TG: variants seen among roughly 807,000 people sequenced by gnomAD.
The protein encoded by TG is thyroid hormones.
In TG, 270 loss-of-function variants were observed where a neutral mutation model predicts 324.7. The observed-to-expected ratio is 0.83, with a 90% CI of 0.75 to 0.92. TG has a LOEUF of 0.92. TG is among the 40% of genes least tolerant of loss of function. The pLI is 0.00. For synonymous variants in TG, 1,401 were observed against 1,327.0 expected (o/e 1.06, Z -1.21); for missense variants, 3,591 against 3,456.4 (o/e 1.04, Z -0.98).
At chr8:133,050,931 CAAGGGGG>C in intron 41 of TG, 1 of 1,543,862 alleles carries the variant, frequency 6.5e-7, no homozygotes, top group Non-Finnish European at 9.0e-7. Flanking sequence ...GAAACAAAGG[CAAGGGGG>C]AAGGGGGCAA....
intron 35 of TG, among the ~76,000 whole-genome samples, chr8:132,993,438 T>A (rs1204936672): frequency 2.6e-5 from 4 of 152,224 alleles, no homozygotes; most frequent in Non-Finnish European, 5.9e-5. Flanking sequence ...TAGAGATGAT[T>A]ATACCACTTC....
Position 132,882,590 on chromosome 8 carries a change from A to T in TG, c.867A>T (p.Ser289=). 1.2e-6 allele frequency: 2 copies of T among 1,614,266 alleles called. No homozygotes were observed. Among genetic ancestry groups the T allele is most frequent in the South Asian group, 1.1e-5 (1 of 91,086 alleles). ...AGAGACGGTTCCTCGCAGTTCAATCAGTCATCTCTGGCAGATTCCGATGTA... is the reference window on the plus strand; with the variant it reads ...AGAGACGGTTCCTCGCAGTTCAATCTGTCATCTCTGGCAGATTCCGATGTA... ...ILQRRFLAVQ[S]VISGRFRCPT... The change falls in exon 7 of 48, where the codon TCA becomes TCT. Residue 289 remains serine, a synonymous_variant. Transcript: ENST00000220616.
intron 23 of TG, among the ~76,000 whole-genome samples, chr8:132,932,516 A>C (rs1822867544): frequency 6.6e-6 from 1 of 152,212 alleles, no homozygotes; most frequent in African/African-American, 2.4e-5. Context: ...TACCTAATGC[A>C]AAAATCAGTA....
At chr8:132,901,097 G>A (rs140970999) in intron 15 of TG, among the ~76,000 whole-genome samples, 33 of 152,318 alleles carry the variant, frequency 2.2e-4, no homozygotes, top group Middle Eastern at 3.4e-3. Context: ...ACCTGCTCAC[G>A]TACTTGTTAA....
chr8:132,895,992 A>G (rs1817036443), intron 11 of TG, among the ~76,000 whole-genome samples: 1 of 152,244 alleles, frequency 6.6e-6, no homozygotes, highest in Non-Finnish European at 1.5e-5. Flanking sequence ...TTTCCCTGAG[A>G]GTCTGGGGAT....
chr8:133,074,805 C>G (rs1173907225), intron 41 of TG: 4 of 965,550 alleles, frequency 4.1e-6, no homozygotes, highest in African/African-American at 1.8e-5. Flanking sequence ...GTTGAAGAGG[C>G]CCTGAAGTCT....
At chr8:132,894,032 C>G (rs1816745533) in intron 11 of TG, 103 bp downstream of exon 11, 26 of 1,577,652 alleles carry the variant, frequency 1.6e-5, no homozygotes, top group Middle Eastern at 1.7e-4. Context: ...GGTTTGGCTT[C>G]CCCAGACTGA....
intron 45 of TG, among the ~76,000 whole-genome samples, chr8:133,118,437 G>T (rs181847196): frequency 6.9e-6 from 1 of 144,304 alleles, no homozygotes; most frequent in Non-Finnish European, 1.5e-5. Flanking sequence ...CAATTCTCCC[G>T]CCTCAGCCTC....
At chr8:133,125,503 G>A (rs1256391504) in intron 45 of TG, among the ~76,000 whole-genome samples, 2 of 152,228 alleles carry the variant, frequency 1.3e-5, no homozygotes, top group East Asian at 1.9e-4. Context: ...CAGGGAACTG[G>A]AGCATTACTA....
intron 35 of TG, chr8:133,002,102 T>G: frequency 1.0e-6 from 1 of 985,386 alleles, no homozygotes; most frequent in Non-Finnish European, 1.2e-6. Flanking sequence ...TTGGAGAGAG[T>G]GTCAGGCATT....
At chr8:132,912,993 T>A in intron 19 of TG, 54 bp from the exon 20 acceptor site, 2 of 1,556,172 alleles carry the variant, frequency 1.3e-6, no homozygotes, top group South Asian at 1.1e-5. Context: ...TAATCCTCCC[T>A]GGCCCTAGCA....
intron 41 of TG, among the ~76,000 whole-genome samples, chr8:133,068,886 G>A (rs534008123): frequency 5.2e-5 from 8 of 152,382 alleles, no homozygotes; most frequent in Admixed American, 5.2e-4. Flanking sequence ...GGCTCTGTTG[G>A]ACCAGAACAA....
intron 10 of TG, among the ~76,000 whole-genome samples, chr8:132,893,189 T>TGTG (rs1816527887): frequency 1.4e-5 from 2 of 140,250 alleles, no homozygotes; most frequent in East Asian, 2.2e-4. Flanking sequence ...GGTGTGTATG[T>TGTG]GAGTGTGTGT....
chr8:132,879,053 T>A (rs755538670), intron 5 of TG, among the ~76,000 whole-genome samples: 1 of 152,258 alleles, frequency 6.6e-6, no homozygotes, highest in Non-Finnish European at 1.5e-5. Flanking sequence ...TGTTCCCTGA[T>A]GACAGTGAAT....
rs761859296 is a variant in TG, at chr8:132,948,796, C to T, written c.5254C>T (p.Leu1752=). Residue 1752 remains leucine (L), a synonymous_variant, in exon 27 of 48, where the codon CTG becomes TTG. Transcript: ENST00000220616. ...CTCAGGTGCCATCATCTGTGGGTTG[C>T]TGAGCTCACCCAGTGTCCTGCTTTG... ...VQGGAIICGL[L]SSPSVLLCNV... The T allele has an allele frequency of 1.2e-6, 2 of 1,613,954 alleles. No individual in the cohort carries two copies. Among genetic ancestry groups the T allele is most frequent in the South Asian group, 2.2e-5 (2 of 91,078 alleles).
chr8:133,006,656 C>A (rs532482814), intron 35 of TG, among the ~76,000 whole-genome samples: 1 of 152,240 alleles, frequency 6.6e-6, no homozygotes, highest in Non-Finnish European at 1.5e-5. Flanking sequence ...CTCGTGGAGG[C>A]ATATCCTTGC....
chr8:132,920,627 G>C (rs1469414752), intron 21 of TG, among the ~76,000 whole-genome samples: 2 of 152,210 alleles, frequency 1.3e-5, no homozygotes, highest in Non-Finnish European at 2.9e-5. Context: ...AAATACCAGA[G>C]AAGCACTTTC....
chr8:132,929,024 A>G (rs200629400), intron 22 of TG, 52 bp from the exon 23 acceptor site: 1 of 1,458,018 alleles, frequency 6.9e-7, no homozygotes, highest in Non-Finnish European at 9.6e-7. Context: ...GCTTCTCTGC[A>G]GATGCCCTAC....
chr8:133,085,033 G>A lies in TG; in HGVS notation c.7240-10011G>A, dbSNP rs556121002. On this transcript the variant is annotated intron_variant, in intron 41 of 47. Coordinates refer to ENST00000220616, the MANE Select transcript of TG (RefSeq NM_003235.5). ...AGGCACAGTCGTGTCTCCCTGCTTA[G>A]TGAGCACAAACTGAGAACAGCATGT... Among the ~76,000 whole-genome samples, 11 of 152,344 alleles carry A rather than the reference G, an allele frequency of 7.2e-5. No individual in the cohort carries two copies. In the South Asian group the frequency reaches 1.4e-3, roughly 20 times the overall value.
Sources: allele counts gnomAD v4.1 joint callset (sites outside exome capture counted in the v4.1 genomes callset), GRCh38; gene constraint gnomAD v4.1.1; transcripts MANE v1.5; gene names NCBI Gene and HGNC (gene_info 2026-07-23, HGNC 2026-07-21).